GRID2: variants seen among roughly 807,000 people sequenced by gnomAD.
The protein encoded by GRID2 is glutamate receptor ionotropic, delta-2.
A neutral mutation model predicts 114.8 loss-of-function variants in GRID2; 33 were observed. That is an observed-to-expected ratio of 0.29 (90% CI 0.22 to 0.38). GRID2 has a LOEUF of 0.38. Among genes scored for constraint, GRID2 ranks in the 10% least tolerant of loss-of-function variants. GRID2 has a pLI of 1.00. For missense variants in GRID2, 1,184 were observed against 1,257.7 expected (o/e 0.94, Z 0.89); for synonymous variants, 505 against 449.9 (o/e 1.12, Z -1.55).
At chr4:92,850,837 T>C (rs1306710815) in intron 2 of GRID2, among the ~76,000 whole-genome samples, 1 of 151,916 alleles carries the variant, frequency 6.6e-6, no homozygotes, top group African/African-American at 2.4e-5. Context: ...AAAATACCAT[T>C]TGAGCAATAA....
Position 93,455,872 on chromosome 4 carries a change from C to T in GRID2, c.1756C>T (p.Leu586Phe). Residue 586 changes from leucine to phenylalanine, a missense_variant, in exon 11 of 16, where the codon CTC becomes TTC. Physicochemically the swap from Leu to Phe is conservative, Grantham distance 22. Coordinates refer to ENST00000282020, the MANE Select transcript of GRID2 (RefSeq NM_001510.4). ...CCTTCTGGTGGGTCTACTGGTCTAC[C>T]TCTTGAACTGGCTTAATCCCCCACG... ...TVLLVGLLVY[L>F]LNWLNPPRLQ... 1 of 1,610,010 alleles carries T rather than the reference C, an allele frequency of 6.2e-7. No homozygotes were observed. The highest frequency in any genetic ancestry group is 8.5e-7 in the Non-Finnish European group (1 of 1,176,290).
chr4:93,804,235 T>G (rs1734989529), intron 1 of GRID2, among the ~76,000 whole-genome samples: 1 of 152,124 alleles, frequency 6.6e-6, no homozygotes, highest in South Asian at 2.1e-4. Flanking sequence ...ATATACCAGG[T>G]AAGAACTCTA....
chr4:93,698,782 A>G (rs1727261222), intron 14 of GRID2, among the ~76,000 whole-genome samples: 1 of 152,076 alleles, frequency 6.6e-6, no homozygotes, highest in African/African-American at 2.4e-5. Flanking sequence ...ACACTTAATA[A>G]TTTTCCACTA....
At chr4:93,373,836 C>T (rs1763141169) in intron 8 of GRID2, among the ~76,000 whole-genome samples, 1 of 152,122 alleles carries the variant, frequency 6.6e-6, no homozygotes, top group Non-Finnish European at 1.5e-5. Context: ...TGAGAAATGC[C>T]AGCCGGGAAA....
At chr4:92,709,382 A>C (rs1266002240) in intron 2 of GRID2, among the ~76,000 whole-genome samples, 1 of 151,928 alleles carries the variant, frequency 6.6e-6, no homozygotes, top group Non-Finnish European at 1.5e-5. Context: ...GATGATTAAG[A>C]TAAATCAGCT....
intron 14 of GRID2, among the ~76,000 whole-genome samples, chr4:93,751,765 G>A (rs1236107497): frequency 6.6e-6 from 1 of 152,172 alleles, no homozygotes; most frequent in Non-Finnish European, 1.5e-5. Context: ...ATGTGCTAAA[G>A]GGTGATACTG....
chr4:93,127,030 TC>T (rs1273896083), intron 4 of GRID2, among the ~76,000 whole-genome samples: 1 of 152,232 alleles, frequency 6.6e-6, no homozygotes, highest in Non-Finnish European at 1.5e-5. Context: ...TGCTAATCAC[TC>T]TGTAAGTTAA....
intron 2 of GRID2, among the ~76,000 whole-genome samples, chr4:92,709,589 A>AAAAAAATATATATAT (rs779775767): frequency 2.6e-5 from 3 of 114,660 alleles, no homozygotes; most frequent in African/African-American, 1.0e-4. Flanking sequence ...AAAAAAAAAA[A>AAAAAAATATATATAT]ATATATATAT....
chr4:93,807,661 A>G (rs970342962), exon 2 of GRID2: 9 of 90,464 alleles, frequency 9.9e-5, no homozygotes, highest in Admixed American at 2.3e-4. Context: ...GCGCTAAGAT[A>G]AGTTTGTTTT....
chr4:92,713,443 TAG>T (rs1260738389), intron 2 of GRID2, among the ~76,000 whole-genome samples: 1 of 138,544 alleles, frequency 7.2e-6, no homozygotes, highest in Non-Finnish European at 1.5e-5. Context: ...TTAGTTAACA[TAG>T]ACAGTTTACA....
At chr4:93,078,771 T>C (rs1729583546) in intron 2 of GRID2, among the ~76,000 whole-genome samples, 1 of 146,796 alleles carries the variant, frequency 6.8e-6, no homozygotes, top group African/African-American at 2.5e-5. Flanking sequence ...ATATTATATT[T>C]ATATACTGTA....
chr4:93,730,829 C>T (rs1215909796), intron 14 of GRID2, among the ~76,000 whole-genome samples: 1 of 152,224 alleles, frequency 6.6e-6, no homozygotes, highest in Non-Finnish European at 1.5e-5. Flanking sequence ...CTGCCAAAGG[C>T]TCCAAACAAA....
At chr4:93,313,892 G>C (rs937372150) in intron 8 of GRID2, among the ~76,000 whole-genome samples, 1 of 152,126 alleles carries the variant, frequency 6.6e-6, no homozygotes, top group Non-Finnish European at 1.5e-5. Context: ...TTGATGCACA[G>C]ATTGTGCAAA....
intron 4 of GRID2, among the ~76,000 whole-genome samples, chr4:93,163,825 A>G (rs1737988957): frequency 6.6e-6 from 1 of 152,004 alleles, no homozygotes; most frequent in South Asian, 2.1e-4. Flanking sequence ...GCTACCTGCA[A>G]ATGCCCCTGT....
intron 13 of GRID2, among the ~76,000 whole-genome samples, chr4:93,545,474 G>C (rs1733121518): frequency 6.6e-6 from 1 of 152,166 alleles, no homozygotes; most frequent in South Asian, 2.1e-4. Context: ...TATAATATGA[G>C]TAGGTAATGG....
intron 2 of GRID2, among the ~76,000 whole-genome samples, chr4:92,931,070 T>C (rs567134844): frequency 3.3e-4 from 49 of 150,528 alleles, no homozygotes; most frequent in African/African-American, 1.2e-3. Flanking sequence ...AAAGAAGAAA[T>C]TGCAGGTTTT....
At chr4:92,538,193 G>T (rs1475906275) in intron 1 of GRID2, among the ~76,000 whole-genome samples, 1 of 152,108 alleles carries the variant, frequency 6.6e-6, no homozygotes, top group Non-Finnish European at 1.5e-5. Context: ...GTTCAAAACA[G>T]TTCATGAGAA....
chr4:93,181,865 T>G (rs1196489550), intron 4 of GRID2, among the ~76,000 whole-genome samples: 1 of 152,182 alleles, frequency 6.6e-6, no homozygotes, highest in Non-Finnish European at 1.5e-5. Context: ...ATGAATTGAT[T>G]TTAAAATATA....
At chr4:93,740,754 A>G (rs1307069538) in intron 14 of GRID2, among the ~76,000 whole-genome samples, 3 of 152,084 alleles carry the variant, frequency 2.0e-5, no homozygotes, top group Admixed American at 6.6e-5. Context: ...CATCACACAT[A>G]TATTTCTAAT....
Sources: gnomAD v4.1 joint callset for allele counts (sites outside exome capture counted in the v4.1 genomes callset) on GRCh38, gnomAD v4.1.1 for gene constraint, MANE v1.5 for transcripts, NCBI Gene and HGNC (gene_info 2026-07-23, HGNC 2026-07-21) for gene names.